Variants in TRPM4 observed in about 807,000 individuals in gnomAD.
TRPM4 encodes transient receptor potential cation channel subfamily M member 4, also known as calcium-activated non-selective cation channel 1.
In TRPM4, 124 loss-of-function variants were observed where a neutral mutation model predicts 135.6. The observed-to-expected ratio is 0.91, with a 90% CI of 0.79 to 1.06. TRPM4 has a LOEUF of 1.06. Ranked by LOEUF, TRPM4 falls within the 50% of genes least tolerant of loss-of-function variation. The pLI, the probability that TRPM4 is intolerant of heterozygous loss-of-function variation, is 0.00. For synonymous variants in TRPM4, 745 were observed against 705.6 expected (o/e 1.06, Z -0.88); for missense variants, 1,658 against 1,671.4 (o/e 0.99, Z 0.14).
chr19:49,204,985 T>G (rs916540007), intron 20 of TRPM4, among the ~76,000 whole-genome samples: 4 of 132,276 alleles, frequency 3.0e-5, no homozygotes, highest in African/African-American at 1.1e-4. Context: ...TTTGGTTGTT[T>G]TTTTTTTTTT....
At position 49,202,421 on chromosome 19, in the gene TRPM4, G is replaced by A. The variant is rs117646304; in HGVS notation, c.3131+280G>A. Among the ~76,000 whole-genome samples, 2,380 of 152,176 alleles carry A rather than the reference G, an allele frequency of 0.016. 36 individuals are homozygous for A. Among genetic ancestry groups the A allele is most frequent in the Non-Finnish European group, 0.025 (1,708 of 68,006 alleles). On this transcript the variant is annotated intron_variant, in intron 20 of 24. Coordinates refer to ENST00000252826, the MANE Select transcript of TRPM4 (RefSeq NM_017636.4). The stretch of plus-strand genomic sequence containing the variant: ...TGTGGTGATGTGATCGTAGCTTACT[G>A]CAGCCTCGACCTCCTGGACTCAAGC...
At chr19:49,192,844 A>T (rs1487718444) in intron 16 of TRPM4, among the ~76,000 whole-genome samples, 3 of 152,072 alleles carry the variant, frequency 2.0e-5, no homozygotes, top group South Asian at 2.1e-4. Flanking sequence ...GTCAAAAAAT[A>T]AAAAAAAGAA....
chr19:49,196,789 C>G lies in TRPM4; in HGVS notation c.2560C>G (p.Gln854Glu), dbSNP rs761302556. ...GPGPGHASLS[Q>E]RLRLYLADSW... Reference sequence around the variant, plus strand: ...CGGGCCTGGCCATGCCTCACTGAGCCAGCGCCTGCGCCTCTACCTCGCCGA... The same window carrying G: ...CGGGCCTGGCCATGCCTCACTGAGCGAGCGCCTGCGCCTCTACCTCGCCGA... Residue 854 changes from glutamine (Q) to glutamate (E), a missense_variant, in exon 17 of 25, where the codon CAG (glutamine) becomes GAG (glutamate). Coordinates refer to ENST00000252826, the MANE Select transcript of TRPM4 (RefSeq NM_017636.4). 2 of 1,576,906 alleles carry G rather than the reference C, an allele frequency of 1.3e-6. No homozygotes were observed. The highest frequency in any genetic ancestry group is 3.5e-5 in the Admixed American group (2 of 57,076).
At chr19:49,170,083 C>T (rs964270273) in intron 6 of TRPM4, among the ~76,000 whole-genome samples, 1 of 151,982 alleles carries the variant, frequency 6.6e-6, no homozygotes, top group Non-Finnish European at 1.5e-5. Flanking sequence ...AACCAAAAAC[C>T]AAAAAATCAA....
intron 2 of TRPM4, among the ~76,000 whole-genome samples, chr19:49,165,006 G>A (rs745831235): frequency 4.6e-5 from 7 of 152,120 alleles, no homozygotes; most frequent in Non-Finnish European, 1.0e-4. Context: ...GCCTCCCAAA[G>A]TGCTAGGATT....
rs1968042908 is a variant in TRPM4, at chr19:49,182,880, G to A, written c.1566G>A (p.Gly522=). ...TGTGCGCGCCGAGGTACCCCTCCGG[G>A]GGCGCCTGGGACCCTCACCCAGGCC... The part of the protein sequence containing the change: ...GKMCAPRYPS[G]GAWDPHPGQG... The change falls in exon 11 of 25, where the codon GGG becomes GGA. Residue 522 remains glycine, a synonymous_variant. Transcript: ENST00000252826. 1 of 1,604,030 alleles carries A rather than the reference G, an allele frequency of 6.2e-7. No individual in the cohort carries two copies. Among genetic ancestry groups the A allele is most frequent in the Non-Finnish European group, 8.5e-7 (1 of 1,174,976 alleles).
chr19:49,189,398 C>T (rs1050876424), intron 14 of TRPM4, among the ~76,000 whole-genome samples: 12 of 152,332 alleles, frequency 7.9e-5, no homozygotes, highest in African/African-American at 2.6e-4. Flanking sequence ...TTCCCGCTTT[C>T]AGGGAAGAGT....
rs1366216703 is a variant in TRPM4 at position 49,210,445 on chromosome 19, G to A, written c.3328+40G>A. 2 of 1,603,104 alleles carry A rather than the reference G, an allele frequency of 1.2e-6. No individual in the cohort carries two copies. The highest frequency in any genetic ancestry group is 1.3e-5 in the African/African-American group (1 of 74,830). ...TGGCTTAAAAAGGAGAAATATAGGG[G>A]ACCGGGAGCCTGGAAGGCGAGGGGA... On this transcript the variant is annotated intron_variant, in intron 21 of 24. Coordinates refer to ENST00000252826, the MANE Select transcript of TRPM4 (RefSeq NM_017636.4). The surrounding 1 kb of genome is among the most constrained non-coding windows in gnomAD (Gnocchi z 4.1).
intron 18 of TRPM4, 71 bp downstream of exon 18, chr19:49,200,503 G>T (rs1375220989): frequency 1.3e-5 from 21 of 1,593,128 alleles, no homozygotes; most frequent in Admixed American, 8.5e-5. Flanking sequence ...GGAGTGGTCC[G>T]TGGAGAAGGG....
intron 1 of TRPM4, 89 bp from the exon 2 acceptor site, chr19:49,158,103 C>T (rs1484886392): frequency 3.6e-6 from 5 of 1,392,780 alleles, no homozygotes; most frequent in Non-Finnish European, 5.1e-6. Flanking sequence ...CCGTGGGGAG[C>T]GCACGGGGTG....
At chr19:49,166,289 A>G in intron 3 of TRPM4, 74 bp downstream of exon 3, 5 of 1,470,010 alleles carry the variant, frequency 3.4e-6, no homozygotes, top group Non-Finnish European at 4.6e-6. Context: ...TGGAGCCGGG[A>G]CGCCCGCCCT....
rs572421137 is a variant in TRPM4 at position 49,158,289 on chromosome 19, G to A, written c.92+30G>A. On this transcript the variant is annotated intron_variant, in intron 2 of 24. Transcript: ENST00000252826. The stretch of plus-strand genomic sequence containing the variant: ...GGAGTTCGCCCCTGGACTGACCCCA[G>A]AGGGTCCGCGGCCCGCTGACCCCGC... 33 of 1,607,396 alleles carry A rather than the reference G, an allele frequency of 2.1e-5. No individual in the cohort carries two copies. In the East Asian group the frequency reaches 7.4e-4, roughly 36 times the overall value.
In TRPM4 at chr19:49,196,680, C is replaced by T; in HGVS notation, c.2451C>T (p.Leu817=). The T allele has an allele frequency of 6.4e-7, 1 of 1,550,526 alleles. No homozygotes were observed. The highest frequency in any genetic ancestry group is 8.7e-7 in the Non-Finnish European group (1 of 1,153,044). ...CGCCCGGCTCCCTGGAGCTGCTGCT[C>T]TATTTCTGGGCTTTCACGCTGCTGT... is the stretch of plus-strand genomic sequence containing the variant. ...PAPPGSLELL[L]YFWAFTLLCE... is the part of the protein sequence containing the mutation. The change falls in exon 17 of 25, where the codon CTC becomes CTT. Residue 817 remains leucine (L), a synonymous_variant. Coordinates refer to ENST00000252826, the MANE Select transcript of TRPM4 (RefSeq NM_017636.4).
At chr19:49,206,598 C>T (rs934433759) in intron 20 of TRPM4, among the ~76,000 whole-genome samples, 1 of 151,960 alleles carries the variant, frequency 6.6e-6, no homozygotes, top group Non-Finnish European at 1.5e-5. Context: ...TGCCACCACG[C>T]CCGGCTAATT....
rs1287733542 is a variant in TRPM4, at chr19:49,211,216, C to T, written c.3587C>T (p.Ser1196Phe). ...LGWVAEALSR[S>F]ALLPPGGPPP... ...TGGGTGGCCGAGGCCCTGAGCCGCT[C>T]TGCCTTGCTGCCCCCAGGTGGGCCG... The change falls in exon 24 of 25, where the codon TCT becomes TTT. Residue 1196 changes from serine (S) to phenylalanine (F), a missense_variant. Transcript: ENST00000252826. This position sits in a 1 kb window ranked among gnomAD's most constrained non-coding sequence, Gnocchi z 4.8. 1 of 1,598,220 alleles carries T rather than the reference C, an allele frequency of 6.3e-7. No individual in the cohort carries two copies. The highest frequency in any genetic ancestry group is 1.8e-5 in the Admixed American group (1 of 56,654).
chr19:49,181,275 A>T lies in TRPM4; in HGVS notation c.1151-74A>T, dbSNP rs1967908725. The stretch of plus-strand genomic sequence containing the variant: ...AGTTTAAAAGTCAGACATGCAAAAT[A>T]GAGGCAAAATAGACATTCAGCAGAT... On this transcript the variant is annotated intron_variant, in intron 9 of 24. Coordinates refer to ENST00000252826, the MANE Select transcript of TRPM4 (RefSeq NM_017636.4). The T allele has an allele frequency of 2.6e-6, 3 of 1,157,234 alleles. No homozygotes were observed. In the Admixed American group the frequency reaches 5.1e-5, roughly 19 times the overall value. 71.7% of individuals were successfully genotyped at this position (1,157,234 alleles called of 1,614,324 possible). A position where few individuals can be genotyped will look rare whatever the true frequency, so the allele number is the denominator to read the frequency against.
At chr19:49,163,012 T>C (rs1049988059) in intron 2 of TRPM4, among the ~76,000 whole-genome samples, 3 of 151,976 alleles carry the variant, frequency 2.0e-5, no homozygotes, top group African/African-American at 7.3e-5. Context: ...TCCGCCCACC[T>C]TGGCCTCCCT....
intron 16 of TRPM4, among the ~76,000 whole-genome samples, chr19:49,192,052 G>C (rs1418896146): frequency 1.3e-5 from 2 of 152,172 alleles, no homozygotes; most frequent in African/African-American, 2.4e-5. Flanking sequence ...TGGTCCCAAG[G>C]CCCCTGCTTT....
chr19:49,167,379 G>C (rs1423308558), intron 3 of TRPM4, among the ~76,000 whole-genome samples: 6 of 94,036 alleles, frequency 6.4e-5, no homozygotes, highest in Admixed American at 2.2e-4. Context: ...CTCTGTCCCC[G>C]TCTCTCCGGG....
Sources: allele counts gnomAD v4.1 joint callset (sites outside exome capture counted in the v4.1 genomes callset), GRCh38; gene constraint gnomAD v4.1.1; non-coding constraint Gnocchi (gnomAD v3.1); transcripts MANE v1.5; gene names NCBI Gene and HGNC (gene_info 2026-07-23, HGNC 2026-07-21).